Variants in POLA2 observed in about 807,000 individuals in gnomAD.
POLA2 encodes DNA polymerase alpha 2, accessory subunit.
A neutral mutation model predicts 82.8 loss-of-function variants in POLA2; 47 were observed. The observed-to-expected ratio is 0.57, with a 90% confidence interval of 0.45 to 0.72. POLA2 has a LOEUF of 0.72. Among genes scored for constraint, POLA2 ranks in the 30% least tolerant of loss-of-function variants. The pLI, the probability that POLA2 is intolerant of heterozygous loss-of-function variation, is 0.00. For missense variants in POLA2, 634 were observed against 728.1 expected (o/e 0.87, Z 1.49); for synonymous variants, 287 against 286.8 (o/e 1.00, Z -0.01).
intron 17 of POLA2, chr11:65,296,219 G>A (rs1355243600): frequency 8.4e-6 from 4 of 474,100 alleles, no homozygotes; most frequent in African/African-American, 2.0e-5. Context: ...CCAAGAGAAC[G>A]AGAGCCCAGA....
intron 13 of POLA2, 28 bp downstream of exon 13, chr11:65,289,900 C>T (rs367557535): frequency 1.4e-4 from 192 of 1,415,196 alleles, no homozygotes; most frequent in Non-Finnish European, 1.6e-4. Flanking sequence ...TGGACAGAAC[C>T]TTAAGCTTCT....
At chr11:65,280,792 G>T (rs1454576247) in intron 7 of POLA2, 200 bp from the exon 8 acceptor site, 3 of 564,106 alleles carry the variant, frequency 5.3e-6, no homozygotes, top group Non-Finnish European at 9.5e-6. Flanking sequence ...TGGGTGGATG[G>T]GTGGACAAGA....
chr11:65,291,714 G>T (rs758299829), intron 13 of POLA2, among the ~76,000 whole-genome samples: 1 of 152,186 alleles, frequency 6.6e-6, no homozygotes, highest in Non-Finnish European at 1.5e-5. Flanking sequence ...TCCTTACCCC[G>T]TGTGGTATTG....
downstream of POLA2, among the ~76,000 whole-genome samples, chr11:65,302,335 A>G (rs1949863309): frequency 6.6e-6 from 1 of 152,186 alleles, no homozygotes; most frequent in African/African-American, 2.4e-5. Flanking sequence ...CTCCTGCTTC[A>G]GAGGAAGTGC....
chr11:65,284,127 CTAGATAGATAGA>C lies in POLA2; in HGVS notation c.1006+1643_1006+1654del, dbSNP rs60541542. On this transcript the variant is annotated intron_variant, in intron 10 of 17. Transcript: ENST00000265465. The stretch of plus-strand genomic sequence containing the variant: ...TCAGCATGGGTGAAAGAGTAAGACA[CTAGATAGATAGA>C]TAGATAGATAGATAGATAGATAGAT... Among the ~76,000 whole-genome samples, 847 of 143,174 alleles carry C rather than the reference CTAGATAGATAGA, an allele frequency of 5.9e-3. 12 individuals are homozygous for C. Among genetic ancestry groups the C allele is most frequent in the Admixed American group, 0.029 (401 of 14,032 alleles). The allele number at this position is 143,174 out of a possible 152,430, so 93.9% of individuals were successfully genotyped here.
chr11:65,287,412 G>A (rs997237003), intron 10 of POLA2, among the ~76,000 whole-genome samples: 1 of 152,180 alleles, frequency 6.6e-6, no homozygotes, highest in African/African-American at 2.4e-5. Flanking sequence ...AAACGTGTTA[G>A]CAAATTCCAC....
At chr11:65,292,322 A>T (rs892644286) in intron 13 of POLA2, among the ~76,000 whole-genome samples, 2 of 152,222 alleles carry the variant, frequency 1.3e-5, no homozygotes, top group Non-Finnish European at 2.9e-5. Flanking sequence ...GAGCAGCTGG[A>T]GGACCCTCCC....
Position 65,294,243 on chromosome 11 carries a change from G to A in POLA2, c.1335G>A (p.Leu445=), listed in dbSNP as rs1282081286. Residue 445 remains leucine, a synonymous_variant, in exon 14 of 18, where the codon CTG becomes CTA. Coordinates refer to ENST00000265465, the MANE Select transcript of POLA2 (RefSeq NM_002689.4). ...YPQPPFSYSD[L]SREDKKQVQF... ...AGCCGCCTTTCAGCTACTCCGATCTGTCTCGAGAGGACAAAAAGGTAGCAG... is the reference window on the plus strand; with the variant it reads ...AGCCGCCTTTCAGCTACTCCGATCTATCTCGAGAGGACAAAAAGGTAGCAG... 13 of 1,613,986 alleles carry A rather than the reference G, an allele frequency of 8.1e-6. No individual in the cohort carries two copies. In the East Asian group the frequency reaches 8.9e-5, roughly 11 times the overall value.
Position 65,282,502 on chromosome 11 carries a change from G to A in POLA2, c.987G>A (p.Gln329=), listed in dbSNP as rs150546843. The A allele has an allele frequency of 2.3e-5, 37 of 1,613,588 alleles. No homozygotes were observed. In the African/African-American group the frequency reaches 4.4e-4, roughly 19 times the overall value. ...LYEGVPLPFY[Q]PTEEDADFEQ... is the part of the protein sequence containing the mutation. ...AGGGTGTGCCACTTCCATTTTATCA[G>A]CCCACTGAAGAGGATGCAGGTGAGT... is the stretch of plus-strand genomic sequence containing the variant. The change falls in exon 10 of 18, where the codon CAG becomes CAA. Residue 329 remains glutamine (Q), a synonymous_variant. Coordinates refer to ENST00000265465, the MANE Select transcript of POLA2 (RefSeq NM_002689.4).
At chr11:65,282,196 TTA>T (rs1949648632) in intron 9 of POLA2, among the ~76,000 whole-genome samples, 1 of 152,202 alleles carries the variant, frequency 6.6e-6, no homozygotes, top group South Asian at 2.1e-4. Flanking sequence ...CACTGATACT[TTA>T]GGCACCTGTT....
intron 4 of POLA2, among the ~76,000 whole-genome samples, chr11:65,274,302 G>A (rs1217135165): frequency 6.6e-6 from 1 of 151,816 alleles, no homozygotes; most frequent in Non-Finnish European, 1.5e-5. Flanking sequence ...AGTGAGCTGA[G>A]GTTGCAGTGA....
Position 65,262,260 on chromosome 11 carries a change from G to A in POLA2, c.-33G>A. The stretch of plus-strand genomic sequence containing the variant: ...TCTTGGGCGCAGGTCGGAGCTGGGT[G>A]GGCCGGCTCCCCGGCCCCTGGCTTG... On this transcript the variant is annotated 5_prime_UTR_variant, in exon 1 of 18. Transcript: ENST00000265465. 2.5e-6 allele frequency: 4 copies of A among 1,588,232 alleles called. No individual in the cohort carries two copies. Among genetic ancestry groups the A allele is most frequent in the Non-Finnish European group, 3.4e-6 (4 of 1,161,582 alleles).
At chr11:65,292,298 C>T (rs1949763442) in intron 13 of POLA2, among the ~76,000 whole-genome samples, 1 of 152,232 alleles carries the variant, frequency 6.6e-6, no homozygotes, top group Non-Finnish European at 1.5e-5. Flanking sequence ...CCGCGGTTCT[C>T]GTCCTGTTTG....
chr11:65,283,615 G>A (rs533964927), intron 10 of POLA2, among the ~76,000 whole-genome samples: 1 of 151,884 alleles, frequency 6.6e-6, no homozygotes, highest in South Asian at 2.1e-4. Flanking sequence ...GATTACAGGC[G>A]TACACCACAC....
intron 11 of POLA2, among the ~76,000 whole-genome samples, chr11:65,288,512 G>GTTTTTTTTTTTTT (rs572913995): frequency 4.2e-5 from 5 of 119,928 alleles, no homozygotes; most frequent in Non-Finnish European, 6.6e-5. Flanking sequence ...TTTGTTTTTT[G>GTTTTTTTTTTTTT]TTTTTTTTTT....
At position 65,287,774 on chromosome 11, in the gene POLA2, C is replaced by T; in HGVS notation, c.1065C>T (p.Ile355=). ...GACCATACACCACATCTGACAGCAT[C>T]ACGTATGACCCCCTGCTTGACCTGA... ...ACGPYTTSDS[I]TYDPLLDLIA... The change falls in exon 11 of 18, where the codon ATC becomes ATT. Residue 355 remains isoleucine (I), a synonymous_variant. Coordinates refer to ENST00000265465, the MANE Select transcript of POLA2 (RefSeq NM_002689.4). The T allele has an allele frequency of 6.2e-7, 1 of 1,613,850 alleles. No homozygotes were observed. Among genetic ancestry groups the T allele is most frequent in the Non-Finnish European group, 8.5e-7 (1 of 1,179,846 alleles).
In POLA2 at chr11:65,280,982, C is replaced by T; in HGVS notation, c.745-10C>T. 1 of 1,613,070 alleles carries T rather than the reference C, an allele frequency of 6.2e-7. No homozygotes were observed. The highest frequency in any genetic ancestry group is 8.5e-7 in the Non-Finnish European group (1 of 1,179,682). On this transcript the variant is annotated splice_polypyrimidine_tract_variant and intron_variant, in intron 7 of 17. Transcript: ENST00000265465. ...ACTGTCATTCTTATGCTGTGACCTT[C>T]CTTTGGTAGGAGCCTGTCACTCTGC... is the stretch of plus-strand genomic sequence containing the variant.
rs915411510 is a variant in POLA2, at chr11:65,266,630, G to T, written c.128G>T (p.Gly43Val). 1.9e-6 allele frequency: 3 copies of T among 1,614,090 alleles called. No homozygotes were observed. The highest frequency in any genetic ancestry group is 1.6e-4 in the Middle Eastern group (1 of 6,062). ...QYGQNEEGMV[G>V]ELIAFCTSTH... is the part of the protein sequence containing the mutation. ...GGACAGAATGAGGAGGGAATGGTAG[G>T]CGAGCTTATAGCCTTCTGCACCAGC... The change falls in exon 2 of 18, where the codon GGC becomes GTC. Residue 43 changes from glycine (G) to valine (V), a missense_variant. Physicochemically the swap from Gly to Val is moderately radical, Grantham distance 109. Transcript: ENST00000265465.
Position 65,279,600 on chromosome 11 carries a change from T to C in POLA2, c.718T>C (p.Phe240Leu), listed in dbSNP as rs1435520657. 1 of 1,613,464 alleles carries C rather than the reference T, an allele frequency of 6.2e-7. No homozygotes were observed. The highest frequency in any genetic ancestry group is 2.2e-5 in the East Asian group (1 of 44,880). The change falls in exon 7 of 18, where the codon TTC becomes CTC. Residue 240 changes from phenylalanine to leucine, a missense_variant. Transcript: ENST00000265465. ...ELKEHYKIEAFTPLLAPAQEP... is the reference protein window; with the variant it reads ...ELKEHYKIEALTPLLAPAQEP... ...CAAGGAACATTACAAGATTGAAGCT[T>C]TCACTCCTTTGCTAGCCCCAGCACA... is the stretch of plus-strand genomic sequence containing the variant.
Sources: allele counts gnomAD v4.1 joint callset (sites outside exome capture counted in the v4.1 genomes callset), GRCh38; gene constraint gnomAD v4.1.1; transcripts MANE v1.5; gene names NCBI Gene and HGNC (gene_info 2026-07-23, HGNC 2026-07-21).